POLRMT: variants seen among roughly 807,000 people sequenced by gnomAD.
POLRMT encodes the protein DNA-directed RNA polymerase, mitochondrial.
A neutral mutation model predicts 132.2 loss-of-function variants in POLRMT; 114 were observed. The ratio of observed to expected loss-of-function variants is 0.86; its 90% CI spans 0.74 to 1.01. POLRMT has a LOEUF of 1.01. Ranked by LOEUF, POLRMT falls within the 50% of genes least tolerant of loss-of-function variation. The pLI, the probability that POLRMT is intolerant of heterozygous loss-of-function variation, is 0.00. For synonymous variants in POLRMT, 1,020 were observed against 773.4 expected (o/e 1.32, Z -5.29); for missense variants, 2,003 against 1,729.1 (o/e 1.16, Z -2.81).
intron 2 of POLRMT, among the ~76,000 whole-genome samples, chr19:631,338 A>AGGGGG (rs58594494): frequency 2.6e-5 from 3 of 113,354 alleles, no homozygotes; most frequent in African/African-American, 1.0e-4. Context: ...AAAAAAAAAA[A>AGGGGG]GGGGGGGGGG....
At chr19:626,846 ACTTTGCTG>A (rs1985052116) in intron 3 of POLRMT, among the ~76,000 whole-genome samples, 1 of 150,542 alleles carries the variant, frequency 6.6e-6, no homozygotes, top group Non-Finnish European at 1.5e-5. Context: ...GGAGACAGAA[ACTTTGCTG>A]TCGACAGACT....
At position 629,598 on chromosome 19, in the gene POLRMT, T is replaced by C; in HGVS notation, c.764A>G (p.Lys255Arg). Residue 255 changes from lysine to arginine, a missense_variant, in exon 3 of 21, where the codon AAG becomes AGG. By Grantham distance (26) the Lys-to-Arg change is conservative. Coordinates refer to ENST00000588649, the MANE Select transcript of POLRMT (RefSeq NM_005035.4). ...CATGTCCAGCGTGAGCAGCTTCCGC[T>C]TCTGCCGCTGGCCGTGGTGGACGAC... The part of the protein sequence containing the change: ...LLVVHHGQRQ[K>R]RKLLTLDMYN... 6.2e-7 allele frequency: 1 copy of C among 1,600,996 alleles called. No individual in the cohort carries two copies. The highest frequency in any genetic ancestry group is 8.5e-7 in the Non-Finnish European group (1 of 1,175,116).
intron 2 of POLRMT, among the ~76,000 whole-genome samples, chr19:632,188 C>T (rs554659229): frequency 4.1e-4 from 63 of 152,072 alleles, no homozygotes; most frequent in African/African-American, 1.3e-3. Flanking sequence ...CCCACCTCGG[C>T]CACCCAAAAG....
At chr19:631,355 G>A (rs944088233) in intron 2 of POLRMT, among the ~76,000 whole-genome samples, 1 of 142,816 alleles carries the variant, frequency 7.0e-6, no homozygotes, top group Non-Finnish European at 1.5e-5. Context: ...GGGGGACCCA[G>A]GTGTCCAGAT....
At chr19:632,104 T>C (rs1022014859) in intron 2 of POLRMT, among the ~76,000 whole-genome samples, 8 of 136,700 alleles carry the variant, frequency 5.9e-5, no homozygotes, top group Non-Finnish European at 9.6e-5. Flanking sequence ...CCGCCCACCT[T>C]GGCCACCCAA....
At position 630,302 on chromosome 19, in the gene POLRMT, C is replaced by T. The variant is rs770747060; in HGVS notation, c.194-134G>A. ...GGACCCAAGGCGTGAATTCCTCATA[C>T]TTGCCAACAACGTTGTAAGGTCTGC... On this transcript the variant is annotated intron_variant, in intron 2 of 20. Coordinates refer to ENST00000588649, the MANE Select transcript of POLRMT (RefSeq NM_005035.4). 2.3e-4 allele frequency: 242 copies of T among 1,071,548 alleles called. 1 individual carries two copies. The highest frequency in any genetic ancestry group is 2.9e-4 in the Non-Finnish European group (219 of 757,744). The allele number at this position is 1,071,548 out of a possible 1,614,324, so 66.4% of individuals were successfully genotyped here. A position where few individuals can be genotyped will look rare whatever the true frequency, so the allele number is the denominator to read the frequency against.
Position 629,448 on chromosome 19 carries a change from TG to T in POLRMT, c.822+91del, listed in dbSNP as rs1985245205. 3.2e-6 allele frequency: 4 copies of T among 1,247,630 alleles called. No individual in the cohort carries two copies. In the East Asian group the frequency reaches 1.1e-4, roughly 34 times the overall value. 77.3% of individuals were successfully genotyped at this position (1,247,630 alleles called of 1,614,324 possible). A position where few individuals can be genotyped will look rare whatever the true frequency, so the allele number is the denominator to read the frequency against. On this transcript the variant is annotated intron_variant, in intron 3 of 20. Transcript: ENST00000588649. ...AAATAAAAAACAAAGGACTTGAACCTGGGGGCTAAGAGAGAAAAGTCCAGTC... is the reference window on the plus strand; with the variant it reads ...AAATAAAAAACAAAGGACTTGAACCTGGGGCTAAGAGAGAAAAGTCCAGTC...
chr19:633,529 G>A lies in POLRMT; in HGVS notation c.-17C>T. 1 of 1,463,692 alleles carries A rather than the reference G, an allele frequency of 6.8e-7. No individual in the cohort carries two copies. The highest frequency in any genetic ancestry group is 9.0e-7 in the Non-Finnish European group (1 of 1,109,956). The allele number at this position is 1,463,692 out of a possible 1,614,324, so 90.7% of individuals were successfully genotyped here. On this transcript the variant is annotated 5_prime_UTR_variant, in exon 1 of 21. Transcript: ENST00000588649. ...TGCCGACATTACGCACGCCGCTCCAGGCCACCCCACCGGCCCGCGCCTGCG... is the reference window on the plus strand; with the variant it reads ...TGCCGACATTACGCACGCCGCTCCAAGCCACCCCACCGGCCCGCGCCTGCG...
intron 11 of POLRMT, 48 bp downstream of exon 11, chr19:620,317 G>C (rs1292329743): frequency 2.0e-6 from 3 of 1,508,586 alleles, no homozygotes; most frequent in Non-Finnish European, 2.7e-6. Context: ...CGAGCCCCAG[G>C]CCCAGTGCAC....
At chr19:619,901 T>G (rs1984369292) in intron 12 of POLRMT, 57 bp downstream of exon 12, 1 of 1,595,834 alleles carries the variant, frequency 6.3e-7, no homozygotes, top group African/African-American at 1.3e-5. Flanking sequence ...GGGCCGAGAC[T>G]CAGGGCTCAC....
chr19:619,630 G>C lies in POLRMT; in HGVS notation c.3022C>G (p.Leu1008Val), dbSNP rs748596528. ...TCCCGGAGGCGCTTCTCAATCTGCA[G>C]GCGCCCGCCATAGCGCGTGACCCCG... is the stretch of plus-strand genomic sequence containing the variant. ...VYGVTRYGGR[L>V]QIEKRLRELS... Residue 1008 changes from leucine to valine, a missense_variant, in exon 13 of 21, where the codon CTG (leucine) becomes GTG (valine). Leu to Val is a conservative substitution (Grantham distance 32). Transcript: ENST00000588649. The C allele has an allele frequency of 1.9e-6, 3 of 1,610,758 alleles. No individual in the cohort carries two copies. The highest frequency in any genetic ancestry group is 3.3e-5 in the Admixed American group (2 of 59,988).
At chr19:631,383 T>C (rs111768290) in intron 2 of POLRMT, among the ~76,000 whole-genome samples, 1 of 150,008 alleles carries the variant, frequency 6.7e-6, no homozygotes, top group Admixed American at 6.6e-5. Flanking sequence ...CTCACGCCTG[T>C]AATCCCAGCA....
chr19:619,189 C>T (rs751371769), intron 14 of POLRMT, 21 bp downstream of exon 14: 34 of 1,610,494 alleles, frequency 2.1e-5, no homozygotes, highest in Non-Finnish European at 2.5e-5. Context: ...CCTGGCCGAG[C>T]GGGGACAGGA....
At position 621,457 on chromosome 19, in the gene POLRMT, C is replaced by A. The variant is rs767119012; in HGVS notation, c.2241G>T (p.Pro747=). ...EAPQPPEAHL[P]HSAAPARKAE... is the part of the protein sequence containing the mutation. ...CCTTGCGGGCGGGCGCGGCGCTGTGCGGCAGGTGGGCCTCGGGCGGCTGGG... is the reference window on the plus strand; with the variant it reads ...CCTTGCGGGCGGGCGCGGCGCTGTGAGGCAGGTGGGCCTCGGGCGGCTGGG... Residue 747 remains proline (P), a synonymous_variant, in exon 10 of 21, where the codon CCG becomes CCT. Coordinates refer to ENST00000588649, the MANE Select transcript of POLRMT (RefSeq NM_005035.4). 1 of 1,383,096 alleles carries A rather than the reference C, an allele frequency of 7.2e-7. No homozygotes were observed. Among genetic ancestry groups the A allele is most frequent in the Non-Finnish European group, 9.3e-7 (1 of 1,078,014 alleles). The allele number at this position is 1,383,096 out of a possible 1,614,324, so 85.7% of individuals were successfully genotyped here. A position where few individuals can be genotyped will look rare whatever the true frequency, so the allele number is the denominator to read the frequency against.
At chr19:631,837 G>A (rs1251569546) in intron 2 of POLRMT, among the ~76,000 whole-genome samples, 3 of 152,034 alleles carry the variant, frequency 2.0e-5, no homozygotes, top group Non-Finnish European at 4.4e-5. Flanking sequence ...CACCTTCCGG[G>A]TTCAAGCGAT....
intron 3 of POLRMT, among the ~76,000 whole-genome samples, chr19:626,696 C>CAAAAAAAAAAAAAAAAAAAAAAAAAA (rs59746130): frequency 1.3e-4 from 14 of 105,018 alleles, no homozygotes; most frequent in African/African-American, 5.6e-4. Context: ...ACTAAAAATA[C>CAAAAAAAAAAAAAAAAAAAAAAAAAA]AAAAAAAAAA....
At position 618,574 on chromosome 19, in the gene POLRMT, T is replaced by G. The variant is rs1458366275; in HGVS notation, c.3336A>C (p.Thr1112=). Residue 1112 remains threonine (T), a synonymous_variant, in exon 17 of 21, where the codon ACA becomes ACC. Transcript: ENST00000588649. The stretch of plus-strand genomic sequence containing the variant: ...GCGGGAAGCCGTTCTTCTGCTTACG[T>G]GTGTTGGGCTTTCTGAGGACGGAAC... ...HNGDISRKPN[T]RKQKNGFPPN... is the part of the protein sequence containing the mutation. 1 of 1,612,768 alleles carries G rather than the reference T, an allele frequency of 6.2e-7. No individual in the cohort carries two copies. The highest frequency in any genetic ancestry group is 1.7e-5 in the Admixed American group (1 of 59,952).
At position 625,369 on chromosome 19, in the gene POLRMT, A is replaced by C. The variant is rs1030398555; in HGVS notation, c.823-115T>G. On this transcript the variant is annotated intron_variant, in intron 3 of 20. Transcript: ENST00000588649. ...CAGCTCAGCAGGGGACAGGGTCACC[A>C]GGCAGGAGTGGCCAGCTGGGCAGAC... 3.9e-5 allele frequency: 56 copies of C among 1,433,080 alleles called. No individual in the cohort carries two copies. The African/African-American group carries it at 7.8e-4, about 20-fold the overall frequency. 88.8% of individuals were successfully genotyped at this position (1,433,080 alleles called of 1,614,324 possible). A position where few individuals can be genotyped will look rare whatever the true frequency, so the allele number is the denominator to read the frequency against.
Position 622,825 on chromosome 19 carries a change from A to G in POLRMT, c.1451T>C (p.Leu484Pro). Residue 484 changes from leucine to proline, a missense_variant, in exon 7 of 21, where the codon CTG (leucine) becomes CCG (proline). Coordinates refer to ENST00000588649, the MANE Select transcript of POLRMT (RefSeq NM_005035.4). ...LDEREVVRML[L>P]QVLQALPAQG... The stretch of plus-strand genomic sequence containing the variant: ...GCCGCGCGGAGGAAGACGCACCTGC[A>G]GGAGCATCCGCACCACCTCGCGCTC... 1.3e-6 allele frequency: 2 copies of G among 1,592,690 alleles called. No homozygotes were observed. The highest frequency in any genetic ancestry group is 1.7e-6 in the Non-Finnish European group (2 of 1,170,626).
Sources: gnomAD v4.1 joint callset for allele counts (sites outside exome capture counted in the v4.1 genomes callset) on GRCh38, gnomAD v4.1.1 for gene constraint, MANE v1.5 for transcripts, NCBI Gene and HGNC (gene_info 2026-07-23, HGNC 2026-07-21) for gene names.